Variants in IL1R2 observed in about 807,000 individuals in gnomAD.
IL1R2 encodes interleukin 1 receptor type 2, also known as interleukin-1 receptor type 2.
A neutral mutation model predicts 39.5 loss-of-function variants in IL1R2; 46 were observed. The observed-to-expected ratio is 1.16, with a 90% CI of 0.92 to 1.49. The LOEUF is 1.49. IL1R2 is among the 40% of genes most tolerant of loss of function. The pLI is 0.00. For missense variants in IL1R2, 537 were observed against 502.0 expected (o/e 1.07, Z -0.67); for synonymous variants, 207 against 189.6 (o/e 1.09, Z -0.75).
At chr2:102,000,262 C>T (rs1232297849) in intron 1 of IL1R2, among the ~76,000 whole-genome samples, 1 of 152,198 alleles carries the variant, frequency 6.6e-6, no homozygotes, top group Admixed American at 6.5e-5. Context: ...GACATCTACT[C>T]CTCCTGTAGT....
intron 4 of IL1R2, 36 bp downstream of exon 4, chr2:102,016,087 G>T (rs750256338): frequency 2.4e-5 from 37 of 1,537,750 alleles, no homozygotes; most frequent in Admixed American, 5.4e-5. Flanking sequence ...ACTAAAATGT[G>T]TTTTCTTTTT....
intron 2 of IL1R2, 37 bp from the exon 3 acceptor site, chr2:102,009,525 G>T: frequency 1.3e-6 from 2 of 1,599,472 alleles, no homozygotes; most frequent in South Asian, 2.2e-5. Flanking sequence ...AGCAAGTTTT[G>T]GACCCAAAGC....
At chr2:102,023,299 A>G (rs1480296062) in intron 6 of IL1R2, 1 of 152,310 alleles carries the variant, frequency 6.6e-6, no homozygotes, top group Non-Finnish European at 1.5e-5. Context: ...TGCAGTCCCC[A>G]TGGCTGCAGC....
At chr2:102,026,028 G>A (rs1363768674) in intron 7 of IL1R2, 83 bp from the exon 8 acceptor site, 15 of 1,079,866 alleles carry the variant, frequency 1.4e-5, no homozygotes, top group Non-Finnish European at 1.9e-5. Context: ...TACTTCTAAA[G>A]GAGAGTGTTT....
In IL1R2 at chr2:102,016,025, A is replaced by G; in HGVS notation, c.487A>G (p.Thr163Ala). The G allele has an allele frequency of 1.2e-6, 2 of 1,613,782 alleles. No homozygotes were observed. Among genetic ancestry groups the G allele is most frequent in the Non-Finnish European group, 1.7e-6 (2 of 1,179,844 alleles). Residue 163 changes from threonine (T) to alanine (A), a missense_variant, in exon 4 of 9, where the codon ACT (threonine) becomes GCT (alanine). By Grantham distance (58) the Thr-to-Ala change is moderately conservative (BLOSUM62 0). Coordinates refer to ENST00000332549, the MANE Select transcript of IL1R2 (RefSeq NM_004633.4). ...CCTGAGTGAATTCACCCGTGACAAA[A>G]CTGACGTGAAGATTCAATGGTACAA... is the stretch of plus-strand genomic sequence containing the variant. The part of the protein sequence containing the change: ...PDLSEFTRDK[T>A]DVKIQWYKDS...
Position 102,024,637 on chromosome 2 carries a change from C to T in IL1R2, c.856C>T (p.Pro286Ser), listed in dbSNP as rs56075526. The change falls in exon 7 of 9, where the codon CCG becomes TCG. Residue 286 changes from proline (P) to serine (S), a missense_variant. Coordinates refer to ENST00000332549, the MANE Select transcript of IL1R2 (RefSeq NM_004633.4). ...TGACACCCACATAGAGAGCGCCTACCCGGGAGGCCGCGTGACCGAGGGGCC... is the reference window on the plus strand; with the variant it reads ...TGACACCCACATAGAGAGCGCCTACTCGGGAGGCCGCGTGACCGAGGGGCC... ...ANDTHIESAYPGGRVTEGPRQ... is the reference protein window; with the variant it reads ...ANDTHIESAYSGGRVTEGPRQ... 9.0e-4 allele frequency: 1,453 copies of T among 1,614,106 alleles called. 3 individuals carry two copies. The highest frequency in any genetic ancestry group is 1.1e-3 in the Non-Finnish European group (1,310 of 1,179,992).
At chr2:102,006,678 G>A (rs1346496057) in intron 1 of IL1R2, among the ~76,000 whole-genome samples, 1 of 152,218 alleles carries the variant, frequency 6.6e-6, no homozygotes. Context: ...TCCCCGGTAT[G>A]TTCTAGTGTG....
intron 1 of IL1R2, among the ~76,000 whole-genome samples, chr2:101,999,605 A>G (rs1296591415): frequency 2.0e-5 from 3 of 152,230 alleles, no homozygotes; most frequent in Non-Finnish European, 2.9e-5. Context: ...TTAGACCTGC[A>G]AGAGACCTGG....
intron 3 of IL1R2, chr2:102,010,284 G>T: frequency 6.3e-6 from 1 of 158,950 alleles, no homozygotes; most frequent in Non-Finnish European, 1.4e-5. Context: ...CTCTGAATAG[G>T]ATTTTAGAGC....
At position 101,997,214 on chromosome 2, in the gene IL1R2, G is replaced by A. The variant is rs138028526; in HGVS notation, c.-62+5203G>A. ...GCGTCTGTGACTGGGAAAACCCGAGGTCTGGTGCCTCAGTTGTCAGAGCCA... is the reference window on the plus strand; with the variant it reads ...GCGTCTGTGACTGGGAAAACCCGAGATCTGGTGCCTCAGTTGTCAGAGCCA... On this transcript the variant is annotated intron_variant, in intron 1 of 8. Coordinates refer to ENST00000332549, the MANE Select transcript of IL1R2 (RefSeq NM_004633.4). Among the ~76,000 whole-genome samples, 110 of 152,298 alleles carry A rather than the reference G, an allele frequency of 7.2e-4. 1 individual carries two copies. The highest frequency in any genetic ancestry group is 2.5e-3 in the African/African-American group (105 of 41,562).
At chr2:101,997,027 C>T (rs1406381918) in intron 1 of IL1R2, among the ~76,000 whole-genome samples, 6 of 152,152 alleles carry the variant, frequency 3.9e-5, no homozygotes. Flanking sequence ...CTCACCAGCA[C>T]CTTCTTCTAG....
intron 1 of IL1R2, among the ~76,000 whole-genome samples, chr2:102,005,148 TGG>T (rs1259083546): frequency 6.6e-6 from 1 of 152,250 alleles, no homozygotes; most frequent in African/African-American, 2.4e-5. Context: ...TGGCACAGCC[TGG>T]ATTTCTGGTG....
chr2:102,023,140 G>A (rs1165466383), intron 6 of IL1R2, among the ~76,000 whole-genome samples: 2 of 152,238 alleles, frequency 1.3e-5, no homozygotes, highest in African/African-American at 4.8e-5. Flanking sequence ...AACCCTGGCT[G>A]CACAGTCTTT....
intron 8 of IL1R2, among the ~76,000 whole-genome samples, chr2:102,027,789 T>C (rs1038140194): frequency 1.3e-5 from 2 of 152,192 alleles, no homozygotes; most frequent in Admixed American, 1.3e-4. Context: ...AGCAATCGTG[T>C]TGGCCCCTGC....
chr2:102,013,616 C>A (rs973815923), intron 3 of IL1R2, among the ~76,000 whole-genome samples: 4 of 137,192 alleles, frequency 2.9e-5, no homozygotes, highest in African/African-American at 1.1e-4. Flanking sequence ...AAAGAGTAGG[C>A]AGTCAAGGTT....
intron 5 of IL1R2, among the ~76,000 whole-genome samples, chr2:102,020,072 C>T (rs1232988110): frequency 1.3e-5 from 2 of 152,218 alleles, no homozygotes; most frequent in Non-Finnish European, 2.9e-5. Flanking sequence ...AAACACACCA[C>T]TCAAGAGAGT....
At chr2:101,996,485 G>GTTTTTTTT (rs11382814) in intron 1 of IL1R2, among the ~76,000 whole-genome samples, 17 of 82,414 alleles carry the variant, frequency 2.1e-4, no homozygotes, top group African/African-American at 5.1e-4. Flanking sequence ...TGTTTTCAGT[G>GTTTTTTTT]TTTTTTTTTT....
At chr2:102,023,783 C>G (rs1360124566) in intron 6 of IL1R2, among the ~76,000 whole-genome samples, 2 of 151,938 alleles carry the variant, frequency 1.3e-5, no homozygotes, top group African/African-American at 4.8e-5. Context: ...CGTGGTGGCT[C>G]ATGGCTGTAA....
intron 1 of IL1R2, among the ~76,000 whole-genome samples, chr2:101,992,808 T>G (rs1423501644): frequency 1.3e-5 from 2 of 151,936 alleles, no homozygotes; most frequent in African/African-American, 4.8e-5. Flanking sequence ...CTGAGTCCAT[T>G]TCTGGTGGAG....
Sources: allele counts gnomAD v4.1 joint callset (sites outside exome capture counted in the v4.1 genomes callset), GRCh38; gene constraint gnomAD v4.1.1; transcripts MANE v1.5; gene names NCBI Gene and HGNC (gene_info 2026-07-23, HGNC 2026-07-21).